The following HYDIN variants were observed in gnomAD, a reference collection of about 807,000 sequenced individuals.
HYDIN encodes HYDIN axonemal central pair apparatus protein, also known as axonemal central pair apparatus protein HYDIN.
In HYDIN, 132 loss-of-function variants were observed where a neutral mutation model predicts 403.9. That is an observed-to-expected ratio of 0.33 (90% confidence interval 0.28 to 0.38). HYDIN has a LOEUF of 0.38. Among genes scored for constraint, HYDIN ranks in the 10% least tolerant of loss-of-function variants. The pLI, the probability that HYDIN is intolerant of heterozygous loss-of-function variation, is 1.00. For synonymous variants in HYDIN, 1,202 were observed against 1,891.7 expected, an observed-to-expected ratio of 0.64 and a Z score of 9.46; for missense variants, 2,827 against 5,009.5, an observed-to-expected ratio of 0.56 and a Z score of 13.15.
chr16:71,034,812 T>C (rs1209572048), intron 18 of HYDIN, among the ~76,000 whole-genome samples: 1 of 151,564 alleles, frequency 6.6e-6, no homozygotes, highest in Non-Finnish European at 1.5e-5. Flanking sequence ...TAATGGAAAC[T>C]ATAGATATAA....
intron 23 of HYDIN, among the ~76,000 whole-genome samples, chr16:71,011,612 C>T (rs2080087837): frequency 2.6e-5 from 4 of 151,860 alleles, no homozygotes; most frequent in South Asian, 4.2e-4. Flanking sequence ...ATGGTGCACG[C>T]CTGTAGTCCC....
At position 71,054,098 on chromosome 16, in the gene HYDIN, C is replaced by CAGCACG. The variant is rs2081772921; in HGVS notation, c.2529+6400_2529+6405dup. ...GGGGAGTGGGTATGTGTTGAGAACA[C>CAGCACG]AGCACGTGCTAGGCATGAATCACAT... On this transcript the variant is annotated intron_variant, in intron 18 of 85. Coordinates refer to ENST00000393567, the MANE Select transcript of HYDIN (RefSeq NM_001270974.2). Among the ~76,000 whole-genome samples the CAGCACG allele has an allele frequency of 5.3e-5, 8 of 152,276 alleles. No homozygotes were observed. The South Asian group carries it at 1.7e-3, about 32-fold the overall frequency.
Position 70,818,384 on chromosome 16 carries a change from G to C in HYDIN, c.14616C>G (p.Asp4872Glu), listed in dbSNP as rs1207320400. 3 of 1,613,856 alleles carry C rather than the reference G, an allele frequency of 1.9e-6. No homozygotes were observed. The highest frequency in any genetic ancestry group is 2.5e-6 in the Non-Finnish European group (3 of 1,179,820). ...CCACAAACTGGGAGGGCAGGGCGAT[G>C]TCGGGCATCCGGCATTCCGTGGAGA... ...VTFSTECRMPDIALPSQFVVP... is the reference protein window; with the variant it reads ...VTFSTECRMPEIALPSQFVVP... Residue 4872 changes from aspartate to glutamate, a missense_variant, in exon 84 of 86, where the codon GAC (aspartate) becomes GAG (glutamate). Asp to Glu is a conservative substitution (Grantham distance 45). Coordinates refer to ENST00000393567, the MANE Select transcript of HYDIN (RefSeq NM_001270974.2).
At chr16:70,961,447 T>C (rs1396111162) in intron 38 of HYDIN, among the ~76,000 whole-genome samples, 2 of 152,212 alleles carry the variant, frequency 1.3e-5, no homozygotes, top group Non-Finnish European at 1.5e-5. Context: ...TTATGCCTTA[T>C]CATGGTTTAT....
Position 70,806,942 on chromosome 16 carries a change from G to A in HYDIN, c.*638C>T, listed in dbSNP as rs1215980351. 2.6e-5 allele frequency among the ~76,000 whole-genome samples: 4 copies of A among 152,096 alleles called. No individual in the cohort carries two copies. The East Asian group carries it at 5.8e-4, about 22-fold the overall frequency. The stretch of plus-strand genomic sequence containing the variant: ...AAGGCGGGGTGTGTATGTGTGGTGG[G>A]GGGAGCTGGGATCTCTATTAGCCTT... On this transcript the variant is annotated 3_prime_UTR_variant, in exon 86 of 86. Coordinates refer to ENST00000393567, the MANE Select transcript of HYDIN (RefSeq NM_001270974.2).
chr16:70,921,203 G>T lies in HYDIN; in HGVS notation c.7173C>A (p.Thr2391=). The T allele has an allele frequency of 1.4e-6, 2 of 1,439,260 alleles. No individual in the cohort carries two copies. The highest frequency in any genetic ancestry group is 1.9e-6 in the Non-Finnish European group (2 of 1,069,404). 89.2% of individuals were successfully genotyped at this position (1,439,260 alleles called of 1,614,324 possible). A position where few individuals can be genotyped will look rare whatever the true frequency, so the allele number is the denominator to read the frequency against. Residue 2391 remains threonine, a synonymous_variant, in exon 46 of 86, where the codon ACC becomes ACA. Coordinates refer to ENST00000393567, the MANE Select transcript of HYDIN (RefSeq NM_001270974.2). ...QAANKQVPPL[T]KVDVKMETIE... is the part of the protein sequence containing the mutation. ...TTGTCTCCATCTTGACATCCACTTT[G>T]GTGAGCGGAGGAACCTAGAAGGCAT...
intron 71 of HYDIN, among the ~76,000 whole-genome samples, chr16:70,858,138 T>A (rs1467004843): frequency 6.6e-6 from 1 of 151,386 alleles, no homozygotes; most frequent in Non-Finnish European, 1.5e-5. Context: ...TGTCTTTGGA[T>A]GGCATGGCTG....
At chr16:71,015,170 C>A (rs1467602425) in intron 23 of HYDIN, among the ~76,000 whole-genome samples, 1 of 150,526 alleles carries the variant, frequency 6.6e-6, no homozygotes, top group Non-Finnish European at 1.5e-5. Context: ...ATGTGGCTCA[C>A]AATAATCACT....
intron 45 of HYDIN, among the ~76,000 whole-genome samples, chr16:70,932,961 GAC>G (rs2077390522): frequency 6.6e-6 from 1 of 151,942 alleles, no homozygotes; most frequent in Non-Finnish European, 1.5e-5. Flanking sequence ...CTCTAAGTGA[GAC>G]ACTTTTGGTC....
At chr16:71,180,520 C>T (rs73579054) in intron 3 of HYDIN, among the ~76,000 whole-genome samples, 26,240 of 151,914 alleles carry the variant, frequency 0.17, 2,945 homozygotes, top group Middle Eastern at 0.38. Context: ...CAGTCTATAA[C>T]GTTAGCATAA....
intron 78 of HYDIN, among the ~76,000 whole-genome samples, chr16:70,835,145 C>A (rs1260845277): frequency 6.6e-6 from 1 of 151,376 alleles, no homozygotes; most frequent in African/African-American, 2.4e-5. Flanking sequence ...TACAGGCACC[C>A]GCCACCATGC....
At chr16:71,132,521 A>C (rs1041290473) in intron 8 of HYDIN, 1 of 56,408 alleles carries the variant, frequency 1.8e-5, no homozygotes, top group Non-Finnish European at 3.4e-5. Context: ...AAAGATAGAC[A>C]CAGTAACATA....
rs1397005107 is a variant in HYDIN at position 70,831,482 on chromosome 16, C to A, written c.13899+1366G>T. On this transcript the variant is annotated intron_variant, in intron 80 of 85. Transcript: ENST00000393567. ...CGAGATCATGCCACTGCACTCCAGCCTGGGGAACAGAGTGAGACTCTGTCT... is the reference window on the plus strand; with the variant it reads ...CGAGATCATGCCACTGCACTCCAGCATGGGGAACAGAGTGAGACTCTGTCT... Among the ~76,000 whole-genome samples the A allele has an allele frequency of 2.2e-5, 3 of 137,742 alleles. 1 individual carries two copies. Among genetic ancestry groups the A allele is most frequent in the African/African-American group, 8.1e-5 (3 of 36,874 alleles). The allele number at this position is 137,742 out of a possible 152,430, so 90.4% of individuals were successfully genotyped here.
At position 70,807,691 on chromosome 16, in the gene HYDIN, T is replaced by C; in HGVS notation, c.15255A>G (p.Pro5085=). The C allele has an allele frequency of 1.2e-6, 2 of 1,614,096 alleles. No homozygotes were observed. Among genetic ancestry groups the C allele is most frequent in the Non-Finnish European group, 1.7e-6 (2 of 1,180,006 alleles). Reference sequence around the variant, plus strand: ...TGGTGATGGGGGTTTTGCTGCCAGATGGGTTTCCTTCAAAGGAGACTGTGA... The same window carrying C: ...TGGTGATGGGGGTTTTGCTGCCAGACGGGTTTCCTTCAAAGGAGACTGTGA... The part of the protein sequence containing the change: ...NNITVSFEGN[P]SGSKTPITTK... Residue 5085 remains proline, a synonymous_variant, in exon 86 of 86, where the codon CCA becomes CCG. Transcript: ENST00000393567.
intron 13 of HYDIN, among the ~76,000 whole-genome samples, chr16:71,075,251 C>T: frequency 6.6e-6 from 1 of 151,858 alleles, no homozygotes; most frequent in Non-Finnish European, 1.5e-5. Flanking sequence ...TATTACAAAA[C>T]AAAAGAAAAG....
At chr16:71,078,467 T>C (rs1263796704) in intron 13 of HYDIN, among the ~76,000 whole-genome samples, 1 of 152,094 alleles carries the variant, frequency 6.6e-6, no homozygotes, top group African/African-American at 2.4e-5. Context: ...ATTGTATTTC[T>C]TTCCTGGTTC....
At chr16:71,050,291 C>A (rs1402187721) in intron 18 of HYDIN, among the ~76,000 whole-genome samples, 1 of 150,164 alleles carries the variant, frequency 6.7e-6, no homozygotes, top group Non-Finnish European at 1.5e-5. Flanking sequence ...ACAATTAATG[C>A]CAGAGGTCAA....
At chr16:71,051,176 T>C (rs1182441551) in intron 18 of HYDIN, among the ~76,000 whole-genome samples, 1 of 152,198 alleles carries the variant, frequency 6.6e-6, no homozygotes, top group Non-Finnish European at 1.5e-5. Context: ...CCAGAGAATC[T>C]GTTAATTTAA....
intron 4 of HYDIN, among the ~76,000 whole-genome samples, chr16:71,177,417 A>G (rs1416703611): frequency 6.6e-6 from 1 of 152,214 alleles, no homozygotes; most frequent in East Asian, 1.9e-4. Context: ...TAGGAACACA[A>G]TCTTGTGTAC....
Sources: gnomAD v4.1 joint callset for allele counts (sites outside exome capture counted in the v4.1 genomes callset) on GRCh38, gnomAD v4.1.1 for gene constraint, MANE v1.5 for transcripts, NCBI Gene and HGNC (gene_info 2026-07-23, HGNC 2026-07-21) for gene names.